The following FRMD4A variants were observed in gnomAD, a reference collection of about 807,000 sequenced individuals.
FRMD4A encodes FERM domain-containing protein 4A.
A neutral mutation model predicts 129.1 loss-of-function variants in FRMD4A; 29 were observed. The observed-to-expected ratio is 0.22, with a 90% CI of 0.17 to 0.31. FRMD4A has a LOEUF of 0.31. Among genes scored for constraint, FRMD4A ranks in the 10% least tolerant of loss-of-function variants. The probability of loss-of-function intolerance (pLI) is 1.00; values close to 1 mark genes in which losing one functional copy is unlikely to be tolerated. For synonymous variants in FRMD4A, 634 were observed against 571.6 expected (o/e 1.11, Z -1.56); for missense variants, 1,272 against 1,375.8 (o/e 0.92, Z 1.19).
intron 2 of FRMD4A, among the ~76,000 whole-genome samples, chr10:14,259,036 G>C (rs546179882): frequency 3.2e-4 from 48 of 152,156 alleles, no homozygotes; most frequent in Non-Finnish European, 5.1e-4. Flanking sequence ...GGGGGCAAAA[G>C]GAAATTTCTT....
rs1014151322 is a variant in FRMD4A at position 13,644,654 on chromosome 10, G to C, written c.*2384C>G. ...ATTTCAAGCTACTATGCATGATGTA[G>C]AACATGTAACCATGTAACCTCATCA... is the stretch of plus-strand genomic sequence containing the variant. On this transcript the variant is annotated 3_prime_UTR_variant, in exon 25 of 25. Transcript: ENST00000357447. 3.3e-5 allele frequency: 5 copies of C among 152,196 alleles called. No homozygotes were observed. Among genetic ancestry groups the C allele is most frequent in the African/African-American group, 1.2e-4 (5 of 41,446 alleles). 9.4% of individuals were successfully genotyped at this position (152,196 alleles called of 1,614,324 possible).
chr10:14,329,021 C>T (rs562169049), intron 2 of FRMD4A, among the ~76,000 whole-genome samples: 2 of 152,268 alleles, frequency 1.3e-5, no homozygotes, highest in Admixed American at 1.3e-4. Flanking sequence ...CAACGAAGAA[C>T]CAAGATATCT....
intron 2 of FRMD4A, among the ~76,000 whole-genome samples, chr10:14,325,153 C>T (rs567389836): frequency 1.3e-5 from 2 of 152,268 alleles, no homozygotes; most frequent in East Asian, 1.9e-4. Flanking sequence ...AGCAAGAGTC[C>T]TTAAGACAAA....
chr10:13,963,977 G>A (rs766053420), intron 2 of FRMD4A, among the ~76,000 whole-genome samples: 1 of 150,918 alleles, frequency 6.6e-6, no homozygotes, highest in Non-Finnish European at 1.5e-5. Context: ...AGTGATGGGT[G>A]AACCACTGAT....
chr10:13,826,735 G>T (rs1049021517), intron 3 of FRMD4A, among the ~76,000 whole-genome samples: 4 of 152,104 alleles, frequency 2.6e-5, no homozygotes, highest in African/African-American at 9.7e-5. Context: ...ACCCTTACTG[G>T]GCTAGAAGAG....
chr10:14,128,457 C>G (rs1266823027), intron 2 of FRMD4A, among the ~76,000 whole-genome samples: 1 of 152,140 alleles, frequency 6.6e-6, no homozygotes, highest in Non-Finnish European at 1.5e-5. Flanking sequence ...TCCCCTTCCA[C>G]TCAAATGTGA....
chr10:14,238,713 G>A (rs981011201), intron 2 of FRMD4A, among the ~76,000 whole-genome samples: 1 of 151,950 alleles, frequency 6.6e-6, no homozygotes, highest in Non-Finnish European at 1.5e-5. Context: ...GCCCCGGTGT[G>A]TGATGTTCCC....
At chr10:14,085,330 G>A (rs538358176) in intron 2 of FRMD4A, among the ~76,000 whole-genome samples, 7 of 152,286 alleles carry the variant, frequency 4.6e-5, no homozygotes, top group East Asian at 3.9e-4. Context: ...CGGCAGATGC[G>A]CACCTCACGT....
At chr10:13,947,923 G>C (rs2095343877) in intron 2 of FRMD4A, among the ~76,000 whole-genome samples, 1 of 152,116 alleles carries the variant, frequency 6.6e-6, no homozygotes, top group Non-Finnish European at 1.5e-5. Flanking sequence ...ATCAGGCGGG[G>C]CATAGTGGCT....
intron 2 of FRMD4A, among the ~76,000 whole-genome samples, chr10:13,892,145 C>T (rs958505260): frequency 3.9e-5 from 6 of 151,932 alleles, no homozygotes; most frequent in Admixed American, 2.0e-4. Flanking sequence ...CTGCGCGCGT[C>T]CAAAGCGTGC....
At chr10:14,231,779 T>C (rs1230428470) in intron 2 of FRMD4A, among the ~76,000 whole-genome samples, 1 of 152,242 alleles carries the variant, frequency 6.6e-6, no homozygotes, top group African/African-American at 2.4e-5. Flanking sequence ...GGGGGTGGGT[T>C]GTGTCTTGCT....
rs544309468 is a variant in FRMD4A, at chr10:13,972,212, C to T, written c.46-113300G>A. On this transcript the variant is annotated intron_variant, in intron 2 of 24. Coordinates refer to ENST00000357447, the MANE Select transcript of FRMD4A (RefSeq NM_018027.5). ...GAAGCACCACCGAGTGTTGGGATCC[C>T]CTCCAGGGTGAGAAAGCTAAGAGCA... is the stretch of plus-strand genomic sequence containing the variant. The T allele has an allele frequency of 3.7e-5, 37 of 1,010,402 alleles. No homozygotes were observed. The East Asian group carries it at 2.9e-3, about 80-fold the overall frequency. The allele number at this position is 1,010,402 out of a possible 1,614,324, so 62.6% of individuals were successfully genotyped here.
intron 2 of FRMD4A, among the ~76,000 whole-genome samples, chr10:13,973,653 C>T (rs2095529561): frequency 6.6e-6 from 1 of 151,836 alleles, no homozygotes; most frequent in African/African-American, 2.4e-5. Flanking sequence ...TCTACAAAAA[C>T]CCCATCACCA....
At chr10:13,750,101 A>AAAGG (rs1564739215) in intron 8 of FRMD4A, among the ~76,000 whole-genome samples, 1 of 111,946 alleles carries the variant, frequency 8.9e-6, no homozygotes, top group South Asian at 3.4e-4. Flanking sequence ...AGAAAGAAAG[A>AAAGG]AAGAAATGAA....
chr10:14,054,758 G>A (rs1588879705), intron 2 of FRMD4A, among the ~76,000 whole-genome samples: 1 of 152,326 alleles, frequency 6.6e-6, no homozygotes, highest in East Asian at 1.9e-4. Flanking sequence ...TGTTGTGGGA[G>A]GGACCTCGTG....
At chr10:13,816,044 A>G (rs1210559804) in intron 3 of FRMD4A, among the ~76,000 whole-genome samples, 2 of 152,256 alleles carry the variant, frequency 1.3e-5, no homozygotes, top group Non-Finnish European at 2.9e-5. Flanking sequence ...GGCTGGAACA[A>G]ACTTCATCTT....
chr10:14,211,543 A>G (rs1293488875), intron 2 of FRMD4A, among the ~76,000 whole-genome samples: 2 of 152,194 alleles, frequency 1.3e-5, no homozygotes, highest in African/African-American at 2.4e-5. Flanking sequence ...ATCTGTCAAG[A>G]GCCAGTTCCT....
In FRMD4A at chr10:14,185,144, A is replaced by G. The variant is rs957038775; in HGVS notation, c.45+144914T>C. Among the ~76,000 whole-genome samples, 9 of 152,206 alleles carry G rather than the reference A, an allele frequency of 5.9e-5. No homozygotes were observed. In the East Asian group the frequency reaches 1.5e-3, roughly 26 times the overall value. ...TGTCTGAACAGGTTTTCCCAGGCATATAGCTCAGAAAGAACCTTTCATCCT... is the reference window on the plus strand; with the variant it reads ...TGTCTGAACAGGTTTTCCCAGGCATGTAGCTCAGAAAGAACCTTTCATCCT... On this transcript the variant is annotated intron_variant, in intron 2 of 24. Transcript: ENST00000357447.
At chr10:13,713,830 ATATAT>A (rs2088311009) in intron 12 of FRMD4A, among the ~76,000 whole-genome samples, 1 of 54,774 alleles carries the variant, frequency 1.8e-5, no homozygotes, top group Non-Finnish European at 3.0e-5. Flanking sequence ...ATATATATAC[ATATAT>A]GTAATATATA....
Sources: allele counts gnomAD v4.1 joint callset (sites outside exome capture counted in the v4.1 genomes callset), GRCh38; gene constraint gnomAD v4.1.1; transcripts MANE v1.5; gene names NCBI Gene and HGNC (gene_info 2026-07-23, HGNC 2026-07-21).